The following ACACA variants were observed in gnomAD, a reference collection of about 807,000 sequenced individuals.
The protein encoded by ACACA is acetyl-CoA carboxylase alpha.
In ACACA, 103 loss-of-function variants were observed where a neutral mutation model predicts 296.1. The ratio of observed to expected loss-of-function variants is 0.35; its 90% CI spans 0.30 to 0.41. ACACA has a LOEUF of 0.41. Among genes scored for constraint, ACACA ranks in the 10% least tolerant of loss-of-function variants. ACACA has a pLI of 1.00. For missense variants in ACACA, 1,554 were observed against 2,989.7 expected (o/e 0.52, Z 11.20); for synonymous variants, 953 against 1,038.6 (o/e 0.92, Z 1.58).
chr17:37,168,872 T>C (rs1428910785), intron 41 of ACACA, among the ~76,000 whole-genome samples: 2 of 152,222 alleles, frequency 1.3e-5, no homozygotes, highest in African/African-American at 4.8e-5. Flanking sequence ...AATACATATT[T>C]ATATTTTTAA....
At chr17:37,207,621 C>T in intron 31 of ACACA, 36 bp downstream of exon 31, 2 of 1,612,898 alleles carry the variant, frequency 1.2e-6, no homozygotes, top group Non-Finnish European at 1.7e-6. Context: ...ATGTCCATGG[C>T]TCCCCTTGTA....
chr17:37,377,899 C>T (rs369234656), intron 1 of ACACA: 142 of 1,613,372 alleles, frequency 8.8e-5, no homozygotes, highest in Non-Finnish European at 1.1e-4. Context: ...TAGCAGTTGC[C>T]GACTGGAACA....
In ACACA at chr17:37,129,444, A is replaced by G. The variant is rs780744158; in HGVS notation, c.5865T>C (p.Pro1955=). ...GAACAAACTCGATGATTCTGTCTAT[A>G]GGATCCTTTGAGTTCAGAAGAGGAA... ...SSVPLLNSKD[P]IDRIIEFVPT... The change falls in exon 47 of 56, where the codon CCT becomes CCC. Residue 1955 remains proline (P), a synonymous_variant. Transcript: ENST00000616317. 1.2e-6 allele frequency: 2 copies of G among 1,614,116 alleles called. No individual in the cohort carries two copies. The highest frequency in any genetic ancestry group is 1.7e-6 in the Non-Finnish European group (2 of 1,179,990).
At position 37,263,667 on chromosome 17, in the gene ACACA, G is replaced by A. The variant is rs1254460814; in HGVS notation, c.1329+18C>T. The A allele has an allele frequency of 6.2e-7, 1 of 1,600,602 alleles. No homozygotes were observed. The highest frequency in any genetic ancestry group is 8.6e-7 in the Non-Finnish European group (1 of 1,168,162). ...TTCTATGTAAGAAAACATAAAGTAA[G>A]CCTTTTAATATATGTACCTGTTCCA... On this transcript the variant is annotated intron_variant, in intron 11 of 55. Coordinates refer to ENST00000616317, the MANE Select transcript of ACACA (RefSeq NM_198834.3).
intron 45 of ACACA, among the ~76,000 whole-genome samples, chr17:37,143,221 T>TA (rs397788706): frequency 6.6e-6 from 1 of 151,146 alleles, no homozygotes; most frequent in East Asian, 1.9e-4. Context: ...TTTTTTTTTT[T>TA]AACTAATAAA....
chr17:37,151,233 TAA>T, intron 44 of ACACA, 66 bp downstream of exon 44: 2 of 1,591,064 alleles, frequency 1.3e-6, no homozygotes, highest in South Asian at 2.2e-5. Context: ...ATAGCAGTGA[TAA>T]GAGAAAAAAA....
chr17:37,093,054 C>T (rs2072751324), intron 54 of ACACA, among the ~76,000 whole-genome samples: 1 of 152,190 alleles, frequency 6.6e-6, no homozygotes, highest in Admixed American at 6.5e-5. Flanking sequence ...CAGGGCCAAG[C>T]AACACTTTCC....
intron 1 of ACACA, among the ~76,000 whole-genome samples, chr17:37,373,789 GAGC>G (rs772468400): frequency 1.6e-4 from 24 of 152,080 alleles, no homozygotes; most frequent in Middle Eastern, 3.2e-3. Flanking sequence ...GTTTCAAATA[GAGC>G]AACAGGAGGG....
chr17:37,269,763 G>GGAAAAA (rs1242417743), intron 10 of ACACA, among the ~76,000 whole-genome samples: 3 of 129,298 alleles, frequency 2.3e-5, no homozygotes, highest in Non-Finnish European at 3.3e-5. Flanking sequence ...TGTTTTAAGG[G>GGAAAAA]AAAAAAAAAA....
chr17:37,400,269 A>G (rs576029178), intron 1 of ACACA, among the ~76,000 whole-genome samples: 1 of 151,974 alleles, frequency 6.6e-6, no homozygotes, highest in South Asian at 2.1e-4. Context: ...ACAGGCATGC[A>G]CCACCACGCC....
At chr17:37,184,604 C>T (rs1252138720) in intron 39 of ACACA, among the ~76,000 whole-genome samples, 1 of 152,124 alleles carries the variant, frequency 6.6e-6, no homozygotes, top group Non-Finnish European at 1.5e-5. Context: ...AATCCCAGCA[C>T]TTTGGGAGGC....
At chr17:37,333,410 G>A (rs936032169) in intron 2 of ACACA, among the ~76,000 whole-genome samples, 32 of 152,166 alleles carry the variant, frequency 2.1e-4, no homozygotes, top group African/African-American at 7.5e-4. Context: ...CAAAAGAGCC[G>A]CAAGGCAGGA....
intron 3 of ACACA, among the ~76,000 whole-genome samples, chr17:37,311,434 A>G (rs568648119): frequency 9.2e-5 from 14 of 152,162 alleles, no homozygotes; most frequent in Non-Finnish European, 1.6e-4. Context: ...ACAAATACAC[A>G]CACACACATA....
At chr17:37,266,426 A>C (rs1020008008) in intron 10 of ACACA, among the ~76,000 whole-genome samples, 6 of 151,978 alleles carry the variant, frequency 3.9e-5, no homozygotes, top group East Asian at 1.9e-4. Flanking sequence ...GAAAACAAAA[A>C]AAAAAAAGAT....
In ACACA at chr17:37,352,800, A is replaced by G. The variant is rs550438991; in HGVS notation, c.39-12950T>C. On this transcript the variant is annotated intron_variant, in intron 1 of 55. Coordinates refer to ENST00000616317, the MANE Select transcript of ACACA (RefSeq NM_198834.3). ...TTTTTTTTGCCTTCAAGTCCTACGG[A>G]TGTGTTAAGGCATTATACTTTATAT... Among the ~76,000 whole-genome samples, 527 of 152,194 alleles carry G rather than the reference A, an allele frequency of 3.5e-3. 5 individuals are homozygous for G. The highest frequency in any genetic ancestry group is 0.013 in the South Asian group (61 of 4,822).
At chr17:37,338,097 AAAAATAAAATAAAATAAAAT>A (rs376387915) in intron 2 of ACACA, among the ~76,000 whole-genome samples, 7 of 148,958 alleles carry the variant, frequency 4.7e-5, no homozygotes, top group African/African-American at 1.5e-4. Context: ...ACTCCGTCTC[AAAAATAAAATAAAATAAAAT>A]AAAATAAAAT....
chr17:37,240,217 T>C (rs139422669), intron 24 of ACACA, among the ~76,000 whole-genome samples: 24 of 152,310 alleles, frequency 1.6e-4, no homozygotes, highest in East Asian at 5.8e-4. Flanking sequence ...GTAATCTCTA[T>C]TAGAAAAATT....
At chr17:37,361,843 A>C (rs2049416787) in intron 1 of ACACA, among the ~76,000 whole-genome samples, 1 of 152,190 alleles carries the variant, frequency 6.6e-6, no homozygotes, top group Non-Finnish European at 1.5e-5. Context: ...ATATGAGACT[A>C]ACAAATGGAA....
intron 1 of ACACA, among the ~76,000 whole-genome samples, chr17:37,376,826 G>T (rs2050024574): frequency 1.3e-5 from 2 of 152,050 alleles, no homozygotes; most frequent in African/African-American, 2.4e-5. Flanking sequence ...ATGGTGGCAT[G>T]CACCTGTAAT....
Sources: gnomAD v4.1 joint callset for allele counts (sites outside exome capture counted in the v4.1 genomes callset) on GRCh38, gnomAD v4.1.1 for gene constraint, MANE v1.5 for transcripts, NCBI Gene and HGNC (gene_info 2026-07-23, HGNC 2026-07-21) for gene names.